Variants in SRGAP1 observed in about 807,000 individuals in gnomAD.
SRGAP1 encodes SLIT-ROBO Rho GTPase-activating protein 1.
Under a neutral mutation model 121.9 loss-of-function variants are expected in SRGAP1, and 43 were observed. The observed-to-expected ratio is 0.35, with a 90% CI of 0.28 to 0.46. SRGAP1 has a LOEUF of 0.46. Among genes scored for constraint, SRGAP1 ranks in the 20% least tolerant of loss-of-function variants. The pLI is 1.00. For missense variants in SRGAP1, 1,102 were observed against 1,350.9 expected, an observed-to-expected ratio of 0.82 and a Z score of 2.89; for synonymous variants, 447 against 485.4, an observed-to-expected ratio of 0.92 and a Z score of 1.04.
intron 1 of SRGAP1, among the ~76,000 whole-genome samples, chr12:63,885,906 A>G (rs1297837005): frequency 2.0e-5 from 3 of 152,314 alleles, no homozygotes; most frequent in South Asian, 2.1e-4. Context: ...CTGTTGTGCT[A>G]TGTAGAATCA....
intron 1 of SRGAP1, among the ~76,000 whole-genome samples, chr12:63,869,525 A>G (rs548265487): frequency 6.6e-6 from 1 of 151,560 alleles, no homozygotes; most frequent in Non-Finnish European, 1.5e-5. Flanking sequence ...CTTCTAAAAC[A>G]CCCCCAAATA....
At chr12:64,032,500 G>A (rs1394854355) in intron 4 of SRGAP1, 9 of 1,161,272 alleles carry the variant, frequency 7.8e-6, no homozygotes, top group Non-Finnish European at 1.0e-5. Context: ...TTATCCAGCA[G>A]CCAGGCATGG....
chr12:64,135,145 C>CA (rs1393273882), intron 21 of SRGAP1, among the ~76,000 whole-genome samples: 1 of 151,938 alleles, frequency 6.6e-6, no homozygotes, highest in Non-Finnish European at 1.5e-5. Context: ...TTTCTTCTGG[C>CA]AAAAAAGGTT....
intron 12 of SRGAP1, 66 bp from the exon 13 acceptor site, chr12:64,094,866 G>A: frequency 7.0e-7 from 1 of 1,431,636 alleles, no homozygotes; most frequent in East Asian, 2.3e-5. Context: ...TAAACTCTAA[G>A]CCTTATTATT....
Position 63,930,307 on chromosome 12 carries a change from A to G in SRGAP1, c.68-53640A>G, listed in dbSNP as rs1275385756. On this transcript the variant is annotated intron_variant, in intron 1 of 21. Transcript: ENST00000355086. ...GGAGTTTGAGACCAGTCTGGCCAAC[A>G]TGGTGAAACATCGTCTCTACTAAAA... Among the ~76,000 whole-genome samples the G allele has an allele frequency of 2.7e-5, 4 of 145,776 alleles. No homozygotes were observed. In the East Asian group the frequency reaches 8.4e-4, roughly 31 times the overall value.
At chr12:63,867,918 A>G (rs1019084454) in intron 1 of SRGAP1, among the ~76,000 whole-genome samples, 3 of 151,200 alleles carry the variant, frequency 2.0e-5, no homozygotes, top group Admixed American at 1.3e-4. Context: ...GCTTTGCCCA[A>G]TGTTAAAAAG....
At chr12:64,023,808 A>T (rs1019249437) in intron 4 of SRGAP1, among the ~76,000 whole-genome samples, 1 of 152,214 alleles carries the variant, frequency 6.6e-6, no homozygotes, top group African/African-American at 2.4e-5. Context: ...CCGCAGCAGC[A>T]CTGTGAGGCA....
intron 3 of SRGAP1, among the ~76,000 whole-genome samples, chr12:64,002,454 A>G (rs1055850153): frequency 2.0e-5 from 3 of 152,234 alleles, no homozygotes; most frequent in East Asian, 1.9e-4. Flanking sequence ...TAGAATAACT[A>G]AAGCCCCAAC....
In SRGAP1 at chr12:64,127,969, C is replaced by G; in HGVS notation, c.2649C>G (p.Asp883Glu). The G allele has an allele frequency of 6.2e-7, 1 of 1,614,212 alleles. No individual in the cohort carries two copies. The highest frequency in any genetic ancestry group is 8.5e-7 in the Non-Finnish European group (1 of 1,180,030). Residue 883 changes from aspartate to glutamate, a missense_variant, in exon 21 of 22, where the codon GAC becomes GAG. Asp to Glu is a conservative substitution (Grantham distance 45, BLOSUM62 2). Coordinates refer to ENST00000355086, the MANE Select transcript of SRGAP1 (RefSeq NM_020762.4). ...ATGCCCTTTCTAACTCCTCAGTTGA[C>G]CTAGGGTCCCCAAGCCTTGCCAGTC... ...PPHALSNSSVDLGSPSLASHP... is the reference protein window; with the variant it reads ...PPHALSNSSVELGSPSLASHP...
At chr12:63,893,084 A>G (rs1197535381) in intron 1 of SRGAP1, among the ~76,000 whole-genome samples, 1 of 152,212 alleles carries the variant, frequency 6.6e-6, no homozygotes. Flanking sequence ...AGCTATTGCT[A>G]CATGAATCCA....
chr12:63,853,211 G>C (rs902926021), intron 1 of SRGAP1, among the ~76,000 whole-genome samples: 7 of 151,874 alleles, frequency 4.6e-5, no homozygotes, highest in African/African-American at 1.7e-4. Context: ...AGGAGACACG[G>C]GGTTTCACCA....
chr12:64,091,805 A>G (rs2136584600), intron 12 of SRGAP1: 1 of 883,234 alleles, frequency 1.1e-6, no homozygotes, highest in Non-Finnish European at 1.6e-6. Context: ...TATTGAATGA[A>G]TTGTAAGACT....
intron 1 of SRGAP1, among the ~76,000 whole-genome samples, chr12:63,859,423 T>C (rs1220443508): frequency 6.6e-6 from 1 of 152,222 alleles, no homozygotes; most frequent in Non-Finnish European, 1.5e-5. Flanking sequence ...CGCCTCAGCC[T>C]CCTAAAGTGC....
At chr12:63,967,046 A>G (rs1040402697) in intron 1 of SRGAP1, among the ~76,000 whole-genome samples, 2 of 152,178 alleles carry the variant, frequency 1.3e-5, no homozygotes, top group African/African-American at 2.4e-5. Flanking sequence ...ATTTACTCAT[A>G]CAGTACCCTT....
chr12:64,108,877 C>T, intron 15 of SRGAP1, 55 bp from the exon 16 acceptor site: 2 of 1,324,246 alleles, frequency 1.5e-6, no homozygotes. Context: ...CTGCAGTGTT[C>T]TGTTTTAAAT....
chr12:64,088,836 G>C (rs1238314522), intron 11 of SRGAP1, among the ~76,000 whole-genome samples: 1 of 152,136 alleles, frequency 6.6e-6, no homozygotes, highest in Non-Finnish European at 1.5e-5. Flanking sequence ...GTCATGCGGG[G>C]ACAATGATTC....
At chr12:63,846,546 G>A (rs1397356629) in intron 1 of SRGAP1, among the ~76,000 whole-genome samples, 1 of 152,216 alleles carries the variant, frequency 6.6e-6, no homozygotes. Context: ...GAAATGGGAT[G>A]TGTTGCAATG....
At chr12:63,985,504 G>T (rs187446819) in intron 2 of SRGAP1, among the ~76,000 whole-genome samples, 96 of 152,272 alleles carry the variant, frequency 6.3e-4, no homozygotes, top group African/African-American at 2.2e-3. Context: ...AAAAGACAGT[G>T]CAGGCTTTCA....
chr12:64,100,927 G>A (rs535961419), intron 15 of SRGAP1, among the ~76,000 whole-genome samples: 12 of 152,044 alleles, frequency 7.9e-5, no homozygotes, highest in South Asian at 4.2e-4. Context: ...GACTTTTGAC[G>A]ATTTGAACCA....
Sources: gnomAD v4.1 joint callset for allele counts (sites outside exome capture counted in the v4.1 genomes callset) on GRCh38, gnomAD v4.1.1 for gene constraint, MANE v1.5 for transcripts, NCBI Gene and HGNC (gene_info 2026-07-23, HGNC 2026-07-21) for gene names.